DOCK1: variants seen among roughly 807,000 people sequenced by gnomAD.
The protein encoded by DOCK1 is dedicator of cytokinesis 1, also known as dedicator of cytokinesis protein 1.
DOCK1 carries 138 observed loss-of-function variants against 262.7 expected under a neutral mutation model. The ratio of observed to expected loss-of-function variants is 0.53; its 90% CI spans 0.46 to 0.61. The LOEUF is 0.61. DOCK1 is among the 20% of genes least tolerant of loss of function. The probability of loss-of-function intolerance (pLI) is 0.00; values close to 1 mark genes in which losing one functional copy is unlikely to be tolerated. For synonymous variants in DOCK1, 866 were observed against 867.4 expected, an observed-to-expected ratio of 1.00 and a Z score of 0.03; for missense variants, 1,908 against 2,370.7, an observed-to-expected ratio of 0.80 and a Z score of 4.05.
chr10:127,117,289 A>G (rs2049247543), intron 25 of DOCK1, among the ~76,000 whole-genome samples: 1 of 152,216 alleles, frequency 6.6e-6, no homozygotes, highest in African/African-American at 2.4e-5. Flanking sequence ...TCAGATAAGG[A>G]CACCAGAGTT....
chr10:127,007,329 T>G (rs543076193), intron 10 of DOCK1: 15 of 152,132 alleles, frequency 9.9e-5, no homozygotes, highest in African/African-American at 3.6e-4. Flanking sequence ...TGGAGGGTGG[T>G]GATGGTGATG....
chr10:127,127,872 A>T, intron 27 of DOCK1, 108 bp downstream of exon 27: 1 of 846,960 alleles, frequency 1.2e-6, no homozygotes, highest in Non-Finnish European at 1.8e-6. Flanking sequence ...TGAGCAGTTG[A>T]GATACAGCTT....
chr10:127,043,160 T>C lies in DOCK1; in HGVS notation c.2197T>C (p.Tyr733His). The change falls in exon 21 of 52, where the codon TAC (tyrosine) becomes CAC (histidine). Residue 733 changes from tyrosine to histidine, a missense_variant. Tyr to His is a moderately conservative substitution (Grantham distance 83). Coordinates refer to ENST00000623213, the MANE Select transcript of DOCK1 (RefSeq NM_001290223.2). ...IKKHFSATLA[Y>H]TKLTKVLKNY... The stretch of plus-strand genomic sequence containing the variant: ...GAAACACTTTAGTGCAACGTTAGCC[T>C]ACACGTAAGTTCCTACTTTGTTTTA... 6.2e-7 allele frequency: 1 copy of C among 1,604,212 alleles called. No homozygotes were observed. The highest frequency in any genetic ancestry group is 8.5e-7 in the Non-Finnish European group (1 of 1,174,542).
At chr10:126,990,059 T>C (rs758245193) in intron 5 of DOCK1, among the ~76,000 whole-genome samples, 2 of 152,146 alleles carry the variant, frequency 1.3e-5, no homozygotes, top group Non-Finnish European at 2.9e-5. Flanking sequence ...ATGTAGGTTG[T>C]AGGATTCAGA....
At chr10:127,397,731 C>T (rs114491696) in intron 38 of DOCK1, among the ~76,000 whole-genome samples, 7,841 of 92,298 alleles carry the variant, frequency 0.085, 292 homozygotes, top group African/African-American at 0.18. Flanking sequence ...CTGTGTGACC[C>T]GGGCAGCGAC....
intron 32 of DOCK1, among the ~76,000 whole-genome samples, chr10:127,357,400 G>A (rs549526777): frequency 8.5e-5 from 13 of 152,258 alleles, no homozygotes; most frequent in East Asian, 1.9e-4. Context: ...GAGTTTCTCC[G>A]CGTGCCCTCT....
At chr10:126,999,669 T>C (rs1313217147) in intron 9 of DOCK1, among the ~76,000 whole-genome samples, 1 of 152,132 alleles carries the variant, frequency 6.6e-6, no homozygotes, top group African/African-American at 2.4e-5. Context: ...GCCTCTTAAA[T>C]GTGTATCGTT....
intron 29 of DOCK1, among the ~76,000 whole-genome samples, chr10:127,326,212 C>T (rs2062742813): frequency 6.6e-6 from 1 of 152,120 alleles, no homozygotes; most frequent in Admixed American, 6.5e-5. Context: ...TGAAATTTGC[C>T]ACATCATTTG....
chr10:127,145,033 G>C (rs1191347793), intron 27 of DOCK1, among the ~76,000 whole-genome samples: 1 of 152,194 alleles, frequency 6.6e-6, no homozygotes, highest in Admixed American at 6.5e-5. Context: ...GATGAGCTGA[G>C]CTTTCCAAAT....
At chr10:127,232,553 A>G (rs144140746) in intron 27 of DOCK1, among the ~76,000 whole-genome samples, 2,908 of 152,262 alleles carry the variant, frequency 0.019, 37 homozygotes, top group Non-Finnish European at 0.027. Context: ...TAATGGTGAT[A>G]TTCCTACCAT....
chr10:126,940,795 C>T (rs2034924257), intron 1 of DOCK1, among the ~76,000 whole-genome samples: 1 of 152,098 alleles, frequency 6.6e-6, no homozygotes, highest in South Asian at 2.1e-4. Context: ...ATTAGTTTAT[C>T]AAGTAAAATT....
chr10:127,125,546 A>C lies in DOCK1; in HGVS notation c.2696A>C (p.Glu899Ala). The C allele has an allele frequency of 6.2e-7, 1 of 1,613,902 alleles. No homozygotes were observed. The highest frequency in any genetic ancestry group is 2.2e-5 in the East Asian group (1 of 44,872). The change falls in exon 26 of 52, where the codon GAG becomes GCG. Residue 899 changes from glutamate to alanine, a missense_variant. Around this residue, in one of 9 missense-constraint regions of DOCK1, gnomAD observed 518 missense variants for 575.1 expected, o/e 0.90. Coordinates refer to ENST00000623213, the MANE Select transcript of DOCK1 (RefSeq NM_001290223.2). ...KYHLERQEDLEACCQLLSHIL... is the reference protein window; with the variant it reads ...KYHLERQEDLAACCQLLSHIL... ...CATCTGGAGAGACAGGAGGACCTGG[A>C]GGCCTGCTGTCAGCTGCTCAGCCAC...
intron 27 of DOCK1, among the ~76,000 whole-genome samples, chr10:127,196,710 T>C (rs2057189502): frequency 9.6e-6 from 1 of 104,250 alleles, no homozygotes; most frequent in Admixed American, 1.0e-4. Context: ...CCGCCAGAGC[T>C]GGAGGAGGAG....
At chr10:127,180,927 G>C (rs566891744) in intron 27 of DOCK1, among the ~76,000 whole-genome samples, 1 of 152,262 alleles carries the variant, frequency 6.6e-6, no homozygotes, top group African/African-American at 2.4e-5. Flanking sequence ...TTTTCCTTCT[G>C]TTTTCCAATT....
At chr10:127,296,607 G>T (rs1375651336) in intron 29 of DOCK1, among the ~76,000 whole-genome samples, 1 of 152,212 alleles carries the variant, frequency 6.6e-6, no homozygotes, top group African/African-American at 2.4e-5. Flanking sequence ...CTCTAACTCA[G>T]ATGAAAGTAG....
chr10:126,919,444 A>G (rs1261481002), intron 1 of DOCK1, among the ~76,000 whole-genome samples: 1 of 152,156 alleles, frequency 6.6e-6, no homozygotes, highest in Admixed American at 6.5e-5. Context: ...CAAAGGCAGG[A>G]ATCGTCCTGT....
At chr10:127,165,727 C>T (rs1157332897) in intron 27 of DOCK1, among the ~76,000 whole-genome samples, 1 of 152,128 alleles carries the variant, frequency 6.6e-6, no homozygotes, top group Non-Finnish European at 1.5e-5. Context: ...GAACTGGGTT[C>T]CCAGGCAGGT....
intron 31 of DOCK1, among the ~76,000 whole-genome samples, chr10:127,346,998 T>G (rs917186642): frequency 1.3e-5 from 2 of 152,214 alleles, no homozygotes; most frequent in African/African-American, 4.8e-5. Context: ...TGCCTTGACC[T>G]TCAGGCCACG....
In DOCK1 at chr10:127,037,207, G is replaced by T. The variant is rs12569515; in HGVS notation, c.1913-512G>T. On this transcript the variant is annotated intron_variant, in intron 18 of 51. Transcript: ENST00000623213. ...ACTCAGTGCAGGCGTGAACCTCAGTGCAGGCGTGGTCTCAGTTGTCCAGAG... is the reference window on the plus strand; with the variant it reads ...ACTCAGTGCAGGCGTGAACCTCAGTTCAGGCGTGGTCTCAGTTGTCCAGAG... 3.2e-3 allele frequency among the ~76,000 whole-genome samples: 486 copies of T among 152,302 alleles called. 23 individuals are homozygous for T. The East Asian group carries it at 0.081, about 25-fold the overall frequency.
Sources: gnomAD v4.1 joint callset for allele counts (sites outside exome capture counted in the v4.1 genomes callset) on GRCh38, gnomAD v4.1.1 for gene constraint, gnomAD v4.1.1 regional missense constraint, MANE v1.5 for transcripts, NCBI Gene and HGNC (gene_info 2026-07-23, HGNC 2026-07-21) for gene names.